The following WT1 variants were observed in gnomAD, a reference collection of about 807,000 sequenced individuals.
WT1 encodes the protein WT1 transcription factor.
WT1 carries 8 observed loss-of-function variants against 60.8 expected under a neutral mutation model. That is an observed-to-expected ratio of 0.13 (90% CI 0.08 to 0.24). WT1 has a LOEUF of 0.24. Among genes scored for constraint, WT1 ranks in the 10% least tolerant of loss-of-function variants. The pLI is 1.00. For missense variants in WT1, 568 were observed against 711.8 expected (o/e 0.80, Z 2.30); for synonymous variants, 312 against 297.1 (o/e 1.05, Z -0.52).
intron 1 of WT1, chr11:32,428,952 G>T (rs968225917): frequency 1.8e-5 from 7 of 398,142 alleles, no homozygotes; most frequent in Non-Finnish European, 3.4e-5. Flanking sequence ...TTGCCTGATC[G>T]ACAGAGAAGG....
chr11:32,413,487 T>C (rs1266306710), intron 5 of WT1, among the ~76,000 whole-genome samples: 2 of 152,194 alleles, frequency 1.3e-5, no homozygotes, highest in East Asian at 3.8e-4. Context: ...CCAAACTTTC[T>C]ACTGGAATTA....
intron 3 of WT1, among the ~76,000 whole-genome samples, chr11:32,424,484 T>G (rs72909479): frequency 0.046 from 6,998 of 152,250 alleles, 217 homozygotes; most frequent in Non-Finnish European, 0.074. Flanking sequence ...GTTATTACAT[T>G]ATAAGGACTC....
intron 2 of WT1, 28 bp downstream of exon 2, chr11:32,428,469 A>C: frequency 6.2e-7 from 1 of 1,613,782 alleles, no homozygotes; most frequent in Non-Finnish European, 8.5e-7. Flanking sequence ...GAAGGGGAGA[A>C]GGACTCCACT....
rs369870529 is a variant in WT1 at position 32,434,818 on chromosome 11, G to A, written c.543C>T (p.Arg181=). Residue 181 remains arginine, a synonymous_variant, in exon 1 of 10, where the codon CGC becomes CGT. Coordinates refer to ENST00000452863, the MANE Select transcript of WT1 (RefSeq NM_024426.6). Reference sequence around the variant, plus strand: ...GCGGAGGAGGACCGAAGGGCCCGTAGCGACAGGCTCCGGCTGTGCCAGTGA... The same window carrying A: ...GCGGAGGAGGACCGAAGGGCCCGTAACGACAGGCTCCGGCTGTGCCAGTGA... The A allele has an allele frequency of 1.3e-4, 213 of 1,612,608 alleles. 3 individuals are homozygous for A. The South Asian group carries it at 2.3e-3, about 17-fold the overall frequency.
At chr11:32,427,063 A>T (rs1259757273) in intron 3 of WT1, among the ~76,000 whole-genome samples, 1 of 152,136 alleles carries the variant, frequency 6.6e-6, no homozygotes, top group Non-Finnish European at 1.5e-5. Flanking sequence ...CGGTGTCAGG[A>T]TCCCCGAGCA....
intron 5 of WT1, among the ~76,000 whole-genome samples, chr11:32,414,355 C>T (rs910948384): frequency 6.6e-6 from 1 of 152,220 alleles, no homozygotes; most frequent in Non-Finnish European, 1.5e-5. Flanking sequence ...TCACTGCAAC[C>T]TCCGCCTCCC....
At chr11:32,411,003 T>G (rs1159807761) in intron 5 of WT1, among the ~76,000 whole-genome samples, 1 of 151,620 alleles carries the variant, frequency 6.6e-6, no homozygotes, top group East Asian at 1.9e-4. Context: ...ATAGGAGAAG[T>G]CCAAATACTG....
chr11:32,401,636 TTCAAATGA>T (rs896499622), intron 5 of WT1, among the ~76,000 whole-genome samples: 1 of 151,798 alleles, frequency 6.6e-6, no homozygotes, highest in African/African-American at 2.4e-5. Flanking sequence ...CGCCCCTGGG[TTCAAATGA>T]TTCTCCTGCC....
chr11:32,393,041 A>G (rs116678406), intron 7 of WT1, among the ~76,000 whole-genome samples: 216 of 152,240 alleles, frequency 1.4e-3, no homozygotes, highest in African/African-American at 5.0e-3. Flanking sequence ...TAATCCAACA[A>G]CTTTAAAGGA....
chr11:32,432,222 GCC>G (rs1564999177), intron 1 of WT1, among the ~76,000 whole-genome samples: 1 of 152,214 alleles, frequency 6.6e-6, no homozygotes, highest in Non-Finnish European at 1.5e-5. Flanking sequence ...TGGCTAGACT[GCC>G]CTAGGGATCC....
At chr11:32,403,974 T>G (rs1198893632) in intron 5 of WT1, among the ~76,000 whole-genome samples, 2 of 152,132 alleles carry the variant, frequency 1.3e-5, no homozygotes, top group Non-Finnish European at 2.9e-5. Flanking sequence ...CTCTGCATCC[T>G]CTAAACTCAG....
chr11:32,399,888 C>A (rs368534044), intron 6 of WT1, 60 bp downstream of exon 6: 1 of 1,575,770 alleles, frequency 6.3e-7, no homozygotes, highest in South Asian at 1.1e-5. Flanking sequence ...AACTAAAGGG[C>A]CGGTAAGTAG....
chr11:32,410,329 A>T (rs1226184618), intron 5 of WT1, among the ~76,000 whole-genome samples: 1 of 152,200 alleles, frequency 6.6e-6, no homozygotes, highest in African/African-American at 2.4e-5. Context: ...AATTTAAAAC[A>T]AAACCACTCC....
chr11:32,433,342 G>A (rs1344192412), intron 1 of WT1, among the ~76,000 whole-genome samples: 1 of 152,230 alleles, frequency 6.6e-6, no homozygotes, highest in Non-Finnish European at 1.5e-5. Context: ...AGAAAAGGGC[G>A]GTTTCGATTT....
chr11:32,427,482 CAAA>C (rs1853093091), intron 3 of WT1, among the ~76,000 whole-genome samples: 1 of 152,324 alleles, frequency 6.6e-6, no homozygotes, highest in South Asian at 2.1e-4. Context: ...ACGACGTCCA[CAAA>C]GCGCTGCCAC....
chr11:32,425,340 G>T (rs1852998189), intron 3 of WT1, among the ~76,000 whole-genome samples: 1 of 152,042 alleles, frequency 6.6e-6, no homozygotes, highest in African/African-American at 2.4e-5. Flanking sequence ...AAAAATGAAT[G>T]AAACCAGGGA....
intron 1 of WT1, among the ~76,000 whole-genome samples, chr11:32,431,694 C>G (rs898718663): frequency 5.3e-5 from 8 of 151,906 alleles, no homozygotes; most frequent in African/African-American, 1.9e-4. Flanking sequence ...CCAACCGCCT[C>G]GAGCCACCGC....
intron 5 of WT1, among the ~76,000 whole-genome samples, chr11:32,406,820 C>T (rs183919141): frequency 4.6e-5 from 7 of 152,144 alleles, no homozygotes; most frequent in African/African-American, 7.2e-5. Context: ...TAAACACGGC[C>T]GGGTGCAGTG....
chr11:32,392,582 C>G, intron 8 of WT1, 84 bp downstream of exon 8: 1 of 1,335,178 alleles, frequency 7.5e-7, no homozygotes, highest in Middle Eastern at 1.8e-4. Context: ...CTCTCTCATT[C>G]ATATTCAACA....
Sources: gnomAD v4.1 joint callset for allele counts (sites outside exome capture counted in the v4.1 genomes callset) on GRCh38, gnomAD v4.1.1 for gene constraint, MANE v1.5 for transcripts, NCBI Gene and HGNC (gene_info 2026-07-23, HGNC 2026-07-21) for gene names.